The following ZMAT4 variants were observed in gnomAD, a reference collection of about 807,000 sequenced individuals.
ZMAT4 encodes the protein zinc finger matrin-type protein 4.
A neutral mutation model predicts 28.7 loss-of-function variants in ZMAT4; 17 were observed. The ratio of observed to expected loss-of-function variants is 0.59; its 90% CI spans 0.41 to 0.89. The LOEUF is 0.89. Ranked by LOEUF, ZMAT4 falls within the 40% of genes least tolerant of loss-of-function variation. The pLI, the probability that ZMAT4 is intolerant of heterozygous loss-of-function variation, is 0.00. For missense variants in ZMAT4, 240 were observed against 283.8 expected, an observed-to-expected ratio of 0.85 and a Z score of 1.11; for synonymous variants, 117 against 109.2, an observed-to-expected ratio of 1.07 and a Z score of -0.44.
chr8:40,825,610 G>A lies in ZMAT4; in HGVS notation c.67C>T (p.Leu23=). The A allele has an allele frequency of 6.4e-7, 1 of 1,554,434 alleles. No individual in the cohort carries two copies. The highest frequency in any genetic ancestry group is 8.7e-7 in the Non-Finnish European group (1 of 1,148,022). ...GCCACACGCTGCGATTCGGAGATCAGCTGTGCACTGCACACCTTGCAGTAA... is the reference window on the plus strand; with the variant it reads ...GCCACACGCTGCGATTCGGAGATCAACTGTGCACTGCACACCTTGCAGTAA... ...DSYCKVCSAQ[L]ISESQRVAHY... is the part of the protein sequence containing the mutation. Residue 23 remains leucine, a synonymous_variant, in exon 2 of 7, where the codon CTG becomes TTG. Transcript: ENST00000297737.
intron 2 of ZMAT4, among the ~76,000 whole-genome samples, chr8:40,780,202 A>G (rs188213748): frequency 2.2e-3 from 330 of 152,302 alleles, no homozygotes; most frequent in Non-Finnish European, 3.1e-3. Flanking sequence ...AATGCATTTG[A>G]CACACCTAAC....
At chr8:40,697,710 GCC>G (rs1375888349) in intron 3 of ZMAT4, among the ~76,000 whole-genome samples, 1 of 76,944 alleles carries the variant, frequency 1.3e-5, no homozygotes, top group Non-Finnish European at 2.7e-5. Flanking sequence ...CCCTCCCCTA[GCC>G]CCCCCACCCC....
intron 6 of ZMAT4, among the ~76,000 whole-genome samples, chr8:40,569,914 G>A (rs913348122): frequency 1.3e-5 from 2 of 152,076 alleles, no homozygotes; most frequent in African/African-American, 4.8e-5. Flanking sequence ...CTAAAGAAAC[G>A]TCGGTTAAAC....
intron 2 of ZMAT4, among the ~76,000 whole-genome samples, chr8:40,771,202 A>T (rs1234558482): frequency 6.6e-6 from 1 of 151,076 alleles, no homozygotes; most frequent in Admixed American, 6.6e-5. Context: ...TTTTAAATGT[A>T]TATTATATAT....
chr8:40,606,983 T>A (rs1023414404), intron 5 of ZMAT4, among the ~76,000 whole-genome samples: 7 of 152,270 alleles, frequency 4.6e-5, no homozygotes, highest in Admixed American at 3.9e-4. Flanking sequence ...TTTCTTCTAC[T>A]TGTTCAATTC....
chr8:40,602,429 C>A (rs1312416480), intron 5 of ZMAT4, among the ~76,000 whole-genome samples: 1 of 152,132 alleles, frequency 6.6e-6, no homozygotes, highest in Non-Finnish European at 1.5e-5. Flanking sequence ...ACTTTTAATT[C>A]TTTAAGGAAT....
At chr8:40,848,371 A>G (rs1816983104) in intron 1 of ZMAT4, among the ~76,000 whole-genome samples, 1 of 152,178 alleles carries the variant, frequency 6.6e-6, no homozygotes, top group Admixed American at 6.5e-5. Context: ...CAGGAACACA[A>G]TAAAATGTTT....
At chr8:40,747,620 G>C (rs1248857791) in intron 3 of ZMAT4, among the ~76,000 whole-genome samples, 2 of 151,842 alleles carry the variant, frequency 1.3e-5, no homozygotes, top group African/African-American at 4.8e-5. Flanking sequence ...ACATAAAAAT[G>C]CAAAGTATGT....
At chr8:40,564,061 A>G (rs2118480572) in intron 6 of ZMAT4, among the ~76,000 whole-genome samples, 1 of 152,270 alleles carries the variant, frequency 6.6e-6, no homozygotes, top group East Asian at 1.9e-4. Flanking sequence ...TTCTGAATAA[A>G]TATGATCATG....
chr8:40,762,838 A>T (rs143822026), intron 3 of ZMAT4, among the ~76,000 whole-genome samples: 38 of 152,260 alleles, frequency 2.5e-4, no homozygotes, highest in Non-Finnish European at 5.0e-4. Flanking sequence ...ACTGCCAGAG[A>T]ATAAATGCTC....
chr8:40,710,631 A>G (rs945385136), intron 3 of ZMAT4, among the ~76,000 whole-genome samples: 10 of 152,094 alleles, frequency 6.6e-5, no homozygotes, highest in Non-Finnish European at 1.3e-4. Context: ...GAAAAAAAAA[A>G]AGACTAATTC....
chr8:40,789,024 G>A (rs1270676333), intron 2 of ZMAT4, among the ~76,000 whole-genome samples: 1 of 133,748 alleles, frequency 7.5e-6, no homozygotes, highest in Non-Finnish European at 1.6e-5. Context: ...AGGAAGGGAG[G>A]GAGGGAGGGA....
In ZMAT4 at chr8:40,802,519, C is replaced by A. The variant is rs569927467; in HGVS notation, c.102+23056G>T. On this transcript the variant is annotated intron_variant, in intron 2 of 6. Transcript: ENST00000297737. ...AAATATAATAAAATATGTATAAGAT[C>A]TATATAAGAAAAACTGTACAATTTT... Among the ~76,000 whole-genome samples the A allele has an allele frequency of 3.3e-5, 5 of 151,870 alleles. No homozygotes were observed. In the East Asian group the frequency reaches 9.7e-4, roughly 29 times the overall value.
chr8:40,562,719 T>C (rs1803788604), intron 6 of ZMAT4, among the ~76,000 whole-genome samples: 1 of 152,110 alleles, frequency 6.6e-6, no homozygotes, highest in South Asian at 2.1e-4. Flanking sequence ...CCCCTCCTGA[T>C]TGACAAGCCA....
chr8:40,782,146 G>C (rs769912702), intron 2 of ZMAT4, among the ~76,000 whole-genome samples: 5 of 152,170 alleles, frequency 3.3e-5, no homozygotes, highest in Non-Finnish European at 5.9e-5. Context: ...CCAGCATTTT[G>C]GGAGGCTGAG....
At chr8:40,652,252 C>A (rs1807700363) in intron 5 of ZMAT4, among the ~76,000 whole-genome samples, 1 of 106,936 alleles carries the variant, frequency 9.4e-6, no homozygotes, top group African/African-American at 3.1e-5. Context: ...AACAAACAAC[C>A]CCATCAAAAA....
chr8:40,816,113 C>T (rs1026979635), intron 2 of ZMAT4, among the ~76,000 whole-genome samples: 3 of 152,146 alleles, frequency 2.0e-5, no homozygotes, highest in African/African-American at 4.8e-5. Flanking sequence ...CCTGGGCATC[C>T]GGCAAAGTGA....
chr8:40,770,064 C>A (rs1374464658), intron 2 of ZMAT4, among the ~76,000 whole-genome samples: 6 of 152,172 alleles, frequency 3.9e-5, no homozygotes, highest in Non-Finnish European at 8.8e-5. Flanking sequence ...GGAATGGCTA[C>A]ACCTCAGGCA....
chr8:40,715,047 CA>C (rs10690797), intron 3 of ZMAT4, among the ~76,000 whole-genome samples: 745 of 73,348 alleles, frequency 0.01, 21 homozygotes, highest in African/African-American at 0.035. Context: ...GACTCTGTCT[CA>C]AAAAAAAAAA....
Sources: allele counts gnomAD v4.1 joint callset (sites outside exome capture counted in the v4.1 genomes callset), GRCh38; gene constraint gnomAD v4.1.1; transcripts MANE v1.5; gene names NCBI Gene and HGNC (gene_info 2026-07-23, HGNC 2026-07-21).